Variants in ROGDI observed in about 807,000 individuals in gnomAD.
The protein encoded by ROGDI is protein rogdi homolog.
Under a neutral mutation model 43.1 loss-of-function variants are expected in ROGDI, and 46 were observed. That is an observed-to-expected ratio of 1.07 (90% CI 0.84 to 1.37). The LOEUF is 1.37. Among genes scored for constraint, ROGDI ranks in the 40% most tolerant of loss-of-function variants. The pLI, the probability that ROGDI is intolerant of heterozygous loss-of-function variation, is 0.00. For missense variants in ROGDI, 518 were observed against 383.9 expected, an observed-to-expected ratio of 1.35 and a Z score of -2.92; for synonymous variants, 243 against 162.0, an observed-to-expected ratio of 1.50 and a Z score of -3.80.
In ROGDI at chr16:4,801,552, C is replaced by G; in HGVS notation, c.151G>C (p.Gly51Arg). The change falls in exon 3 of 11, where the codon GGC (glycine) becomes CGC (arginine). Residue 51 changes from glycine (G) to arginine (R), a missense_variant. By Grantham distance (125) the Gly-to-Arg change is moderately radical. Coordinates refer to ENST00000322048, the MANE Select transcript of ROGDI (RefSeq NM_024589.3). ...ASLRFTLPGS[G>R]TEGPAKQENF... is the part of the protein sequence containing the mutation. ...TCTTGCTTGGCGGGCCCCTCAGTGC[C>G]GGAGCCCGGCAGAGTGAAGCGCAGA... The G allele has an allele frequency of 6.2e-7, 1 of 1,606,252 alleles. No homozygotes were observed. Among genetic ancestry groups the G allele is most frequent in the South Asian group, 1.1e-5 (1 of 89,514 alleles).
chr16:4,801,254 C>G lies in ROGDI; in HGVS notation c.255+13G>C. 6.3e-7 allele frequency: 1 copy of G among 1,597,914 alleles called. No homozygotes were observed. The highest frequency in any genetic ancestry group is 8.5e-7 in the Non-Finnish European group (1 of 1,170,114). On this transcript the variant is annotated intron_variant, in intron 4 of 10. Transcript: ENST00000322048. ...ATTGGCAGGATGGGAGGGGACAGGG[C>G]CGGGGGACTCACCGCCTGGCTGAGG...
In ROGDI at chr16:4,797,129, G is replaced by A. The variant is rs2082660239; in HGVS notation, c.*331C>T. On this transcript the variant is annotated 3_prime_UTR_variant, in exon 11 of 11. Coordinates refer to ENST00000322048, the MANE Select transcript of ROGDI (RefSeq NM_024589.3). Reference sequence around the variant, plus strand: ...ACCCCCCGACACCATGCCCTCCAGGGGGAGGGGACAGCGAAGGGGAGAGGA... The same window carrying A: ...ACCCCCCGACACCATGCCCTCCAGGAGGAGGGGACAGCGAAGGGGAGAGGA... 3 of 300,626 alleles carry A rather than the reference G, an allele frequency of 1.0e-5. No individual in the cohort carries two copies. The South Asian group carries it at 1.3e-4, about 13-fold the overall frequency. 18.6% of individuals were successfully genotyped at this position (300,626 alleles called of 1,614,324 possible). A position where few individuals can be genotyped will look rare whatever the true frequency, so the allele number is the denominator to read the frequency against.
intron 5 of ROGDI, among the ~76,000 whole-genome samples, chr16:4,800,063 G>A (rs1272179237): frequency 4.6e-5 from 7 of 152,196 alleles, no homozygotes; most frequent in Non-Finnish European, 8.8e-5. Context: ...AGGGCGACAA[G>A]GCAGGGGCAA....
intron 5 of ROGDI, 29 bp from the exon 6 acceptor site, chr16:4,799,810 A>G (rs1487836834): frequency 1.3e-6 from 2 of 1,547,864 alleles, no homozygotes; most frequent in Non-Finnish European, 1.8e-6. Flanking sequence ...CAGAGGGGTC[A>G]CGCCAGCTTC....
rs201794245 is a variant in ROGDI at position 4,801,598 on chromosome 16, G to A, written c.118-13C>T. ...GCAGAGAGGCCTCCTGTGGAACAGA[G>A]GGAAGGAGGGGAGCTGGTAGCGCCC... is the stretch of plus-strand genomic sequence containing the variant. On this transcript the variant is annotated splice_polypyrimidine_tract_variant and intron_variant, in intron 2 of 10. Coordinates refer to ENST00000322048, the MANE Select transcript of ROGDI (RefSeq NM_024589.3). 2 of 1,583,036 alleles carry A rather than the reference G, an allele frequency of 1.3e-6. No homozygotes were observed. Among genetic ancestry groups the A allele is most frequent in the Non-Finnish European group, 1.7e-6 (2 of 1,164,488 alleles).
intron 2 of ROGDI, 83 bp from the exon 3 acceptor site, chr16:4,801,668 C>A: frequency 7.6e-7 from 1 of 1,309,724 alleles, no homozygotes; most frequent in Non-Finnish European, 1.1e-6. Flanking sequence ...CCCCTCCCTC[C>A]AAGTCAGCGG....
At position 4,801,129 on chromosome 16, in the gene ROGDI, A is replaced by T. The variant is rs574721246; in HGVS notation, c.255+138T>A. ...GGGAGAAGGTGTGAGGGTTGCTGTC[A>T]TTTTCCAAAGGAGAAAACTGAGGCC... On this transcript the variant is annotated intron_variant, in intron 4 of 10. Coordinates refer to ENST00000322048, the MANE Select transcript of ROGDI (RefSeq NM_024589.3). The T allele has an allele frequency of 2.0e-4, 132 of 663,494 alleles. No homozygotes were observed. In the African/African-American group the frequency reaches 2.2e-3, roughly 11 times the overall value. The allele number at this position is 663,494 out of a possible 1,614,324, so 41.1% of individuals were successfully genotyped here. A position where few individuals can be genotyped will look rare whatever the true frequency, so the allele number is the denominator to read the frequency against.
At position 4,802,413 on chromosome 16, in the gene ROGDI, G is replaced by A. The variant is rs987992601; in HGVS notation, c.86C>T (p.Ala29Val). The part of the protein sequence containing the change: ...FRWLLHDEVH[A>V]VLKQLQDILK... ...GATGTCCTGCAGCTGCTTCAACACA[G>A]CGTGCACCTCGTCGTGCAGCAGCCA... Residue 29 changes from alanine to valine, a missense_variant, in exon 2 of 11, where the codon GCT (alanine) becomes GTT (valine). Transcript: ENST00000322048. The A allele has an allele frequency of 1.3e-6, 2 of 1,540,634 alleles. No homozygotes were observed. The highest frequency in any genetic ancestry group is 2.0e-5 in the Admixed American group (1 of 49,322).
intron 10 of ROGDI, 41 bp downstream of exon 10, chr16:4,797,673 A>G: frequency 1.0e-6 from 1 of 974,626 alleles, no homozygotes; most frequent in East Asian, 3.5e-5. Context: ...AAGGACCCTT[A>G]GAAGTCCTTC....
In ROGDI at chr16:4,802,451, C is replaced by T. The variant is rs771954544; in HGVS notation, c.48G>A (p.Glu16=). The part of the protein sequence containing the change: ...AATAAERAVL[E]EEFRWLLHDE... ...CGTGCAGCAGCCAGCGGAACTCCTC[C>T]TCCTGCGGGACAGACCCGGCGGTCG... The change falls in exon 2 of 11, where the codon GAG becomes GAA. Residue 16 remains glutamate, a splice_region_variant and synonymous_variant. Coordinates refer to ENST00000322048, the MANE Select transcript of ROGDI (RefSeq NM_024589.3). 4.7e-5 allele frequency: 67 copies of T among 1,415,196 alleles called. 1 individual carries two copies. In the South Asian group the frequency reaches 6.0e-4, roughly 13 times the overall value. The allele number at this position is 1,415,196 out of a possible 1,614,324, so 87.7% of individuals were successfully genotyped here.
Position 4,798,550 on chromosome 16 carries a change from G to C in ROGDI, c.531+19C>G. On this transcript the variant is annotated intron_variant, in intron 7 of 10. Coordinates refer to ENST00000322048, the MANE Select transcript of ROGDI (RefSeq NM_024589.3). ...TGTGGGACCCCTCTCCTGCAGCAGGGGCTGGCAGGGGCACTGACCGTGAGG... is the reference window on the plus strand; with the variant it reads ...TGTGGGACCCCTCTCCTGCAGCAGGCGCTGGCAGGGGCACTGACCGTGAGG... 6.6e-7 allele frequency: 1 copy of C among 1,525,254 alleles called. No individual in the cohort carries two copies. Among genetic ancestry groups the C allele is most frequent in the Non-Finnish European group, 8.8e-7 (1 of 1,137,752 alleles). The allele number at this position is 1,525,254 out of a possible 1,614,324, so 94.5% of individuals were successfully genotyped here.
In ROGDI at chr16:4,798,158, G is replaced by T; in HGVS notation, c.558C>A (p.Ser186=). Residue 186 remains serine, a synonymous_variant, in exon 8 of 11, where the codon TCC becomes TCA. Transcript: ENST00000322048. The part of the protein sequence containing the change: ...LTRMFAPALP[S]DLLVNVYINL... ...TGATGTAGACGTTGACCAGCAGGTC[G>T]GACGGCAGGGCAGGGGCGAACATCC... 2 of 1,613,896 alleles carry T rather than the reference G, an allele frequency of 1.2e-6. No homozygotes were observed. The highest frequency in any genetic ancestry group is 1.7e-6 in the Non-Finnish European group (2 of 1,179,894).
rs1023308719 is a variant in ROGDI, at chr16:4,797,334, A to G, written c.*126T>C. ...CCATTCCCGGCAGTGCAAATGTGTT[A>G]GGTGGGGTAGGGGGTGGGATAGGGA... On this transcript the variant is annotated 3_prime_UTR_variant, in exon 11 of 11. Transcript: ENST00000322048. 8.9e-6 allele frequency: 7 copies of G among 784,608 alleles called. No individual in the cohort carries two copies. The highest frequency in any genetic ancestry group is 3.6e-4 in the Middle Eastern group (1 of 2,790). 48.6% of individuals were successfully genotyped at this position (784,608 alleles called of 1,614,324 possible).
chr16:4,797,526 G>A (rs368868527), intron 10 of ROGDI, 25 bp from the exon 11 acceptor site: 1 of 1,357,598 alleles, frequency 7.4e-7, no homozygotes, highest in Non-Finnish European at 9.6e-7. Context: ...GGTGCTGTAG[G>A]TTGCTGAAGG....
chr16:4,799,841 G>T, intron 5 of ROGDI, 60 bp from the exon 6 acceptor site: 1 of 1,248,746 alleles, frequency 8.0e-7, no homozygotes, highest in Non-Finnish European at 1.2e-6. Context: ...GGAGGGGAGA[G>T]TGGGTGCTGC....
chr16:4,797,079 T>A lies in ROGDI; in HGVS notation c.*381A>T. Reference sequence around the variant, plus strand: ...GCTCTGTCTGTGGCGTTCCTCACCATCCCCGGGACTCATAGCTCAGTGCCA... The same window carrying A: ...GCTCTGTCTGTGGCGTTCCTCACCAACCCCGGGACTCATAGCTCAGTGCCA... On this transcript the variant is annotated 3_prime_UTR_variant, in exon 11 of 11. Coordinates refer to ENST00000322048, the MANE Select transcript of ROGDI (RefSeq NM_024589.3). The A allele has an allele frequency of 4.2e-6, 1 of 236,480 alleles. No homozygotes were observed. Among genetic ancestry groups the A allele is most frequent in the Non-Finnish European group, 8.4e-6 (1 of 119,296 alleles). 14.6% of individuals were successfully genotyped at this position (236,480 alleles called of 1,614,324 possible).
Position 4,798,157 on chromosome 16 carries a change from C to T in ROGDI, c.559G>A (p.Asp187Asn), listed in dbSNP as rs773589345. 5.0e-5 allele frequency: 81 copies of T among 1,613,800 alleles called. No individual in the cohort carries two copies. The highest frequency in any genetic ancestry group is 6.4e-5 in the Non-Finnish European group (76 of 1,179,918). The change falls in exon 8 of 11, where the codon GAC becomes AAC. Residue 187 changes from aspartate (D) to asparagine (N), a missense_variant. Physicochemically the swap from Asp to Asn is conservative, Grantham distance 23 (BLOSUM62 1). Transcript: ENST00000322048. ...TTGATGTAGACGTTGACCAGCAGGT[C>T]GGACGGCAGGGCAGGGGCGAACATC... ...TRMFAPALPS[D>N]LLVNVYINLN...
At position 4,798,604 on chromosome 16, in the gene ROGDI, G is replaced by T. The variant is rs2082682709; in HGVS notation, c.496C>A (p.Leu166Ile). The change falls in exon 7 of 11, where the codon CTC (leucine) becomes ATC (isoleucine). Residue 166 changes from leucine (L) to isoleucine (I), a missense_variant. Coordinates refer to ENST00000322048, the MANE Select transcript of ROGDI (RefSeq NM_024589.3). ...CTGGCGGCGATCTCGGGGAGGGTGAGGGTGGCGGGGGTGGTGAGCCGGTTT... is the reference window on the plus strand; with the variant it reads ...CTGGCGGCGATCTCGGGGAGGGTGATGGTGGCGGGGGTGGTGAGCCGGTTT... ...ARNRLTTPAT[L>I]TLPEIAASGL... 1.3e-6 allele frequency: 2 copies of T among 1,573,532 alleles called. No homozygotes were observed. Among genetic ancestry groups the T allele is most frequent in the Non-Finnish European group, 1.7e-6 (2 of 1,164,948 alleles).
chr16:4,802,209 C>T (rs989440443), intron 2 of ROGDI, 173 bp downstream of exon 2: 6 of 683,504 alleles, frequency 8.8e-6, no homozygotes, highest in African/African-American at 5.4e-5. Flanking sequence ...TGCCCGCACA[C>T]AGGTACTTAT....
Sources: gnomAD v4.1 joint callset for allele counts (sites outside exome capture counted in the v4.1 genomes callset) on GRCh38, gnomAD v4.1.1 for gene constraint, MANE v1.5 for transcripts, NCBI Gene and HGNC (gene_info 2026-07-23, HGNC 2026-07-21) for gene names.